AFF3: variants seen among roughly 807,000 people sequenced by gnomAD.
The protein encoded by AFF3 is ALF transcription elongation factor 3, also known as AF4/FMR2 family member 3.
In AFF3, 32 loss-of-function variants were observed where a neutral mutation model predicts 129.7. That is an observed-to-expected ratio of 0.25 (90% CI 0.19 to 0.33). The LOEUF (loss-of-function observed/expected upper bound fraction) is 0.33. AFF3 is among the 10% of genes least tolerant of loss of function. The probability of loss-of-function intolerance (pLI) is 1.00; values close to 1 mark genes in which losing one functional copy is unlikely to be tolerated. For missense variants in AFF3, 1,373 were observed against 1,592.0 expected (o/e 0.86, Z 2.34); for synonymous variants, 644 against 635.4 (o/e 1.01, Z -0.20).
chr2:99,777,650 T>C (rs1185118492), intron 8 of AFF3, among the ~76,000 whole-genome samples: 1 of 152,210 alleles, frequency 6.6e-6, no homozygotes, highest in Non-Finnish European at 1.5e-5. Context: ...CTCTTTCAAA[T>C]ATCTCAGGTA....
intron 12 of AFF3, among the ~76,000 whole-genome samples, chr2:99,650,982 T>C (rs1015631281): frequency 6.6e-6 from 1 of 152,090 alleles, no homozygotes; most frequent in African/African-American, 2.4e-5. Context: ...GAGACCAGCC[T>C]GACCAACAGG....
intron 7 of AFF3, among the ~76,000 whole-genome samples, chr2:99,883,606 T>C (rs1242107800): frequency 2.0e-5 from 3 of 152,234 alleles, no homozygotes; most frequent in African/African-American, 7.2e-5. Flanking sequence ...AGGTCTTTTT[T>C]CTTTTGGCAA....
intron 4 of AFF3, among the ~76,000 whole-genome samples, chr2:100,093,447 G>C (rs1690032328): frequency 2.0e-5 from 3 of 151,290 alleles, no homozygotes; most frequent in Admixed American, 2.0e-4. Context: ...ATAAAAGTAA[G>C]GAAAAGAAAT....
At chr2:99,728,654 C>G (rs1259824379) in intron 10 of AFF3, among the ~76,000 whole-genome samples, 1 of 152,056 alleles carries the variant, frequency 6.6e-6, no homozygotes. Context: ...GCCAGAACAG[C>G]TATGAGGGAC....
chr2:99,707,659 T>C, intron 11 of AFF3: 1 of 984,646 alleles, frequency 1.0e-6, no homozygotes, highest in Non-Finnish European at 1.2e-6. Flanking sequence ...TTTCCATTCC[T>C]GGAAGAGCTT....
chr2:99,670,337 G>A (rs1687041278), intron 12 of AFF3, among the ~76,000 whole-genome samples: 1 of 152,160 alleles, frequency 6.6e-6, no homozygotes, highest in Admixed American at 6.5e-5. Flanking sequence ...CACATGGGCT[G>A]GTTGAACCAA....
At chr2:100,076,062 A>G (rs1688566702) in intron 4 of AFF3, among the ~76,000 whole-genome samples, 1 of 152,194 alleles carries the variant, frequency 6.6e-6, no homozygotes, top group African/African-American at 2.4e-5. Flanking sequence ...TGGGCTGCAG[A>G]CATGTAAATG....
intron 14 of AFF3, among the ~76,000 whole-genome samples, chr2:99,595,378 A>T (rs1290552504): frequency 6.6e-6 from 1 of 152,116 alleles, no homozygotes; most frequent in East Asian, 1.9e-4. Flanking sequence ...TTTCTTCCCT[A>T]TGGCCTTCCA....
At chr2:99,554,086 G>T (rs1313785527) in intron 24 of AFF3, among the ~76,000 whole-genome samples, 1 of 152,108 alleles carries the variant, frequency 6.6e-6, no homozygotes, top group Non-Finnish European at 1.5e-5. Context: ...GAGAAATCAG[G>T]ATACTTTGTG....
intron 22 of AFF3, among the ~76,000 whole-genome samples, chr2:99,557,739 C>T (rs938241483): frequency 7.9e-5 from 12 of 152,150 alleles, no homozygotes; most frequent in African/African-American, 1.4e-4. Context: ...TGGCCTAGCA[C>T]CTGGTTACTC....
At chr2:99,590,966 C>T (rs1308946161) in intron 15 of AFF3, among the ~76,000 whole-genome samples, 2 of 151,054 alleles carry the variant, frequency 1.3e-5, no homozygotes, top group Non-Finnish European at 2.9e-5. Context: ...TCATTGCACT[C>T]CAGCCTGGGC....
chr2:99,990,417 G>GGTAAATTTTATGCTAT (rs1250958413), intron 7 of AFF3, among the ~76,000 whole-genome samples: 1 of 151,510 alleles, frequency 6.6e-6, no homozygotes, highest in Non-Finnish European at 1.5e-5. Context: ...TAGTTAAGAT[G>GGTAAATTTTATGCTAT]GTAAATTTTA....
At chr2:100,061,277 T>A (rs1687251211) in intron 4 of AFF3, among the ~76,000 whole-genome samples, 2 of 152,170 alleles carry the variant, frequency 1.3e-5, no homozygotes, top group South Asian at 4.2e-4. Flanking sequence ...GGAGTAACTA[T>A]ATAAATATAA....
intron 7 of AFF3, among the ~76,000 whole-genome samples, chr2:99,919,511 G>A (rs1695714509): frequency 6.6e-6 from 1 of 151,994 alleles, no homozygotes; most frequent in Admixed American, 6.6e-5. Context: ...TTGAATAGGT[G>A]AATTCTGTTC....
chr2:99,716,648 C>T (rs1028547252), intron 11 of AFF3, among the ~76,000 whole-genome samples: 1 of 151,630 alleles, frequency 6.6e-6, no homozygotes. Context: ...TTTGGGAGGC[C>T]AAGGTGGGCG....
At chr2:99,929,676 T>A (rs527780483) in intron 7 of AFF3, among the ~76,000 whole-genome samples, 15 of 152,296 alleles carry the variant, frequency 9.8e-5, no homozygotes, top group African/African-American at 3.6e-4. Flanking sequence ...TGCCTTCACT[T>A]GATTTAGACT....
chr2:99,715,917 C>G (rs1174146905), intron 11 of AFF3, among the ~76,000 whole-genome samples: 1 of 152,164 alleles, frequency 6.6e-6, no homozygotes, highest in Non-Finnish European at 1.5e-5. Flanking sequence ...CGTGATCCGC[C>G]TGCCTCGGCC....
At chr2:99,559,790 G>C (rs1015486070) in intron 21 of AFF3, among the ~76,000 whole-genome samples, 7 of 152,142 alleles carry the variant, frequency 4.6e-5, no homozygotes, top group African/African-American at 1.7e-4. Context: ...GACCTTTTTT[G>C]TGTCTGTTGC....
intron 18 of AFF3, among the ~76,000 whole-genome samples, chr2:99,576,957 C>T (rs759093814): frequency 2.9e-4 from 44 of 152,106 alleles, no homozygotes; most frequent in Non-Finnish European, 4.1e-4. Flanking sequence ...TTGGCAAAGG[C>T]GATGAAGACA....
Sources: gnomAD v4.1 joint callset for allele counts (sites outside exome capture counted in the v4.1 genomes callset) on GRCh38, gnomAD v4.1.1 for gene constraint, MANE v1.5 for transcripts, NCBI Gene and HGNC (gene_info 2026-07-23, HGNC 2026-07-21) for gene names.